The following CNTN4 variants were observed in gnomAD, a reference collection of about 807,000 sequenced individuals.
The protein encoded by CNTN4 is contactin 4, also known as contactin-4.
In CNTN4, 77 loss-of-function variants were observed where a neutral mutation model predicts 122.5. The observed-to-expected ratio is 0.63, with a 90% confidence interval of 0.52 to 0.76. The LOEUF is 0.76. Among genes scored for constraint, CNTN4 ranks in the 30% least tolerant of loss-of-function variants. CNTN4 has a pLI of 0.00. For missense variants in CNTN4, 1,256 were observed against 1,259.1 expected (o/e 1.00, Z 0.04); for synonymous variants, 512 against 447.0 (o/e 1.15, Z -1.83).
intron 3 of CNTN4, among the ~76,000 whole-genome samples, chr3:2,562,352 T>G (rs952042663): frequency 6.6e-6 from 1 of 152,138 alleles, no homozygotes; most frequent in African/African-American, 2.4e-5. Flanking sequence ...TAGTACCCAA[T>G]AAGCAGTTTT....
intron 7 of CNTN4, among the ~76,000 whole-genome samples, chr3:2,865,294 G>A (rs1360425977): frequency 2.0e-5 from 3 of 152,302 alleles, no homozygotes; most frequent in African/African-American, 4.8e-5. Context: ...TCCTTTGTGC[G>A]TAAACAGTGG....
intron 3 of CNTN4, among the ~76,000 whole-genome samples, chr3:2,449,212 T>C (rs1215710256): frequency 6.6e-6 from 1 of 152,226 alleles, no homozygotes; most frequent in Admixed American, 6.6e-5. Context: ...AGATCATTAT[T>C]TGAAAGATAG....
chr3:2,172,556 A>C lies in CNTN4; in HGVS notation c.-145+71917A>C, dbSNP rs141770080. On this transcript the variant is annotated intron_variant, in intron 2 of 24. Transcript: ENST00000418658. ...GTACCCTAAAAACGATTGAAATAAA[A>C]AACAAAAAAAAGAAAACTGGTGGCA... 1.6e-3 allele frequency among the ~76,000 whole-genome samples: 241 copies of C among 152,354 alleles called. 1 individual carries two copies. The highest frequency in any genetic ancestry group is 5.7e-3 in the African/African-American group (237 of 41,588).
intron 3 of CNTN4, among the ~76,000 whole-genome samples, chr3:2,437,430 A>C (rs1038508276): frequency 1.3e-5 from 2 of 152,158 alleles, no homozygotes; most frequent in African/African-American, 2.4e-5. Context: ...GTAAATGTGC[A>C]TTTTATGTAA....
At chr3:2,465,377 T>C (rs905750662) in intron 3 of CNTN4, among the ~76,000 whole-genome samples, 2 of 152,134 alleles carry the variant, frequency 1.3e-5, no homozygotes, top group African/African-American at 4.8e-5. Flanking sequence ...CTTCGGTCTC[T>C]TAAAAAATAA....
chr3:2,791,544 A>G (rs527415031), intron 6 of CNTN4, among the ~76,000 whole-genome samples: 222 of 151,906 alleles, frequency 1.5e-3, no homozygotes, highest in African/African-American at 5.0e-3. Context: ...AAAAAAAAAA[A>G]AGATTTAGAA....
chr3:2,744,908 C>T (rs1268776454), intron 5 of CNTN4, among the ~76,000 whole-genome samples: 3 of 152,138 alleles, frequency 2.0e-5, no homozygotes, highest in Non-Finnish European at 2.9e-5. Context: ...GCCTAATCTG[C>T]AGTTTGCTGG....
At chr3:2,862,457 C>A (rs1274277049) in intron 7 of CNTN4, among the ~76,000 whole-genome samples, 2 of 152,122 alleles carry the variant, frequency 1.3e-5, no homozygotes, top group Admixed American at 1.3e-4. Context: ...ACCAAAAAAA[C>A]CATTGCTAGG....
At chr3:2,827,327 CT>C in intron 7 of CNTN4, among the ~76,000 whole-genome samples, 1 of 152,296 alleles carries the variant, frequency 6.6e-6, no homozygotes, top group African/African-American at 2.4e-5. Context: ...GTTCTGTAAA[CT>C]TTTCAAATCT....
intron 13 of CNTN4, among the ~76,000 whole-genome samples, chr3:2,985,957 T>C (rs1417175450): frequency 2.7e-5 from 4 of 148,262 alleles, no homozygotes; most frequent in Non-Finnish European, 4.5e-5. Context: ...CTCTGTCTCC[T>C]AGGCTGGAGT....
rs2044446847 is a variant in CNTN4 at position 2,347,536 on chromosome 3, A to C, written c.-89+8303A>C. ...GTGATTCTCCTGCCTCAGCCTCCCT[A>C]GTAACTGGGATTACAGGTGCCCATC... On this transcript the variant is annotated intron_variant, in intron 3 of 24. Coordinates refer to ENST00000418658, the MANE Select transcript of CNTN4 (RefSeq NM_175607.3). Among the ~76,000 whole-genome samples the C allele has an allele frequency of 2.0e-5, 3 of 147,886 alleles. No individual in the cohort carries two copies. The South Asian group carries it at 6.4e-4, about 32-fold the overall frequency.
chr3:2,996,200 A>G (rs1007926243), intron 14 of CNTN4, among the ~76,000 whole-genome samples: 5 of 151,972 alleles, frequency 3.3e-5, no homozygotes, highest in Admixed American at 6.6e-5. Flanking sequence ...TCATGGGGGG[A>G]AAAAGGCTGG....
Position 3,040,048 on chromosome 3 carries a change from G to A in CNTN4, c.2175G>A (p.Glu725=). The A allele has an allele frequency of 1.9e-6, 3 of 1,611,344 alleles. No homozygotes were observed. Among genetic ancestry groups the A allele is most frequent in the Non-Finnish European group, 2.5e-6 (3 of 1,177,360 alleles). The change falls in exon 20 of 25, where the codon GAG becomes GAA. Residue 725 remains glutamate, a synonymous_variant. Transcript: ENST00000418658. ...ELVITWETVP[E]ELQNGRGFGY... ...TCCTTCTTTCCCAGACGGTCCCTGAGGAATTACAGAATGGTCGAGGCTTTG... is the reference window on the plus strand; with the variant it reads ...TCCTTCTTTCCCAGACGGTCCCTGAAGAATTACAGAATGGTCGAGGCTTTG...
intron 3 of CNTN4, among the ~76,000 whole-genome samples, chr3:2,468,620 C>T (rs6787418): frequency 0.29 from 43,841 of 152,030 alleles, 6,350 homozygotes; most frequent in Middle Eastern, 0.37. Context: ...ATTACTATTA[C>T]AGTTTTTAAT....
chr3:2,569,059 C>T (rs2079305003), intron 3 of CNTN4, among the ~76,000 whole-genome samples: 1 of 152,154 alleles, frequency 6.6e-6, no homozygotes, highest in Non-Finnish European at 1.5e-5. Flanking sequence ...TCTAAAATGG[C>T]CTAATCACCA....
At chr3:2,256,988 A>G (rs2040620483) in intron 2 of CNTN4, among the ~76,000 whole-genome samples, 2 of 152,224 alleles carry the variant, frequency 1.3e-5, no homozygotes, top group Admixed American at 6.5e-5. Context: ...CAAGACAATC[A>G]TAAGCAAAAA....
At chr3:2,507,344 T>TA (rs2076757884) in intron 3 of CNTN4, among the ~76,000 whole-genome samples, 1 of 152,152 alleles carries the variant, frequency 6.6e-6, no homozygotes, top group Non-Finnish European at 1.5e-5. Flanking sequence ...GGGTTTTTTT[T>TA]AAACTGTCTT....
chr3:2,944,857 G>C lies in CNTN4; in HGVS notation c.1358+19078G>C, dbSNP rs545636518. Among the ~76,000 whole-genome samples the C allele has an allele frequency of 4.6e-5, 7 of 152,308 alleles. No individual in the cohort carries two copies. In the East Asian group the frequency reaches 1.4e-3, roughly 29 times the overall value. The stretch of plus-strand genomic sequence containing the variant: ...GAAGTGAGAAAGGCAGAAATGAGCA[G>C]AGAGAGAAACTGTCCTACAGGTTGG... On this transcript the variant is annotated intron_variant, in intron 13 of 24. Transcript: ENST00000418658.
At chr3:2,919,353 GAAAA>G (rs200119254) in intron 12 of CNTN4, among the ~76,000 whole-genome samples, 10 of 108,488 alleles carry the variant, frequency 9.2e-5, no homozygotes, top group Non-Finnish European at 1.5e-4. Context: ...CTCTGTCTCA[GAAAA>G]AAAAAAAAAA....
Sources: gnomAD v4.1 joint callset for allele counts (sites outside exome capture counted in the v4.1 genomes callset) on GRCh38, gnomAD v4.1.1 for gene constraint, MANE v1.5 for transcripts, NCBI Gene and HGNC (gene_info 2026-07-23, HGNC 2026-07-21) for gene names.